Variants in CHODL observed in about 807,000 individuals in gnomAD.
CHODL encodes the protein chondrolectin.
In CHODL, 29 loss-of-function variants were observed where a neutral mutation model predicts 34.5. The observed-to-expected ratio is 0.84, with a 90% confidence interval of 0.63 to 1.15. The LOEUF (loss-of-function observed/expected upper bound fraction) is 1.15, where lower values mean the gene tolerates loss of function less well. Ranked by LOEUF, CHODL falls within the 50% of genes most tolerant of loss-of-function variation. The pLI, the probability that CHODL is intolerant of heterozygous loss-of-function variation, is 0.00. For missense variants in CHODL, 332 were observed against 332.5 expected (o/e 1.00, Z 0.01); for synonymous variants, 125 against 116.1 (o/e 1.08, Z -0.49).
At chr21:18,082,533 G>A (rs1389518879) in intron 2 of CHODL, among the ~76,000 whole-genome samples, 1 of 152,184 alleles carries the variant, frequency 6.6e-6, no homozygotes, top group African/African-American at 2.4e-5. Flanking sequence ...AAGTTTGGAA[G>A]TTCCTAAAGA....
intron 1 of CHODL, among the ~76,000 whole-genome samples, chr21:17,978,854 G>T (rs1396751591): frequency 1.3e-5 from 2 of 151,596 alleles, no homozygotes; most frequent in East Asian, 3.9e-4. Flanking sequence ...GTTCTTTGTG[G>T]TTGAAATGCT....
chr21:18,247,174 A>G (rs1030726091), intron 1 of CHODL, among the ~76,000 whole-genome samples: 4 of 152,134 alleles, frequency 2.6e-5, no homozygotes, highest in African/African-American at 4.8e-5. Flanking sequence ...TTTTGTAGCA[A>G]TAGTTTCTAA....
intron 2 of CHODL, among the ~76,000 whole-genome samples, chr21:18,149,484 GGTCT>G (rs1429095516): frequency 6.6e-6 from 1 of 152,052 alleles, no homozygotes; most frequent in African/African-American, 2.4e-5. Flanking sequence ...GAACCTCATG[GGTCT>G]GTCTATGTGA....
chr21:18,242,009 A>C (rs1391537414), upstream of CHODL, among the ~76,000 whole-genome samples: 1 of 149,426 alleles, frequency 6.7e-6, no homozygotes, highest in Non-Finnish European at 1.5e-5. Context: ...TTTTTTTTTT[A>C]ATGGACAAAG....
At chr21:18,240,041 T>C (rs2074066833), upstream of CHODL, among the ~76,000 whole-genome samples, 1 of 152,068 alleles carries the variant, frequency 6.6e-6, no homozygotes, top group Admixed American at 6.6e-5. Flanking sequence ...TCTAGAAATA[T>C]CTAGCATAGC....
chr21:18,103,741 T>C (rs1236917990), intron 2 of CHODL, among the ~76,000 whole-genome samples: 2 of 152,164 alleles, frequency 1.3e-5, no homozygotes, highest in Non-Finnish European at 2.9e-5. Flanking sequence ...TATCTCCTCT[T>C]CCATAGAAGC....
At chr21:18,133,683 T>C (rs2072685408) in intron 2 of CHODL, among the ~76,000 whole-genome samples, 1 of 152,128 alleles carries the variant, frequency 6.6e-6, no homozygotes, top group African/African-American at 2.4e-5. Flanking sequence ...CTTTAGAAGG[T>C]TGCCATTTCT....
chr21:18,082,977 G>C (rs182097247), intron 2 of CHODL, among the ~76,000 whole-genome samples: 1 of 151,668 alleles, frequency 6.6e-6, no homozygotes, highest in African/African-American at 2.4e-5. Flanking sequence ...AAAAATTTGC[G>C]TTAGTAAAAA....
At chr21:17,924,735 C>T (rs183648837) in intron 1 of CHODL, among the ~76,000 whole-genome samples, 1 of 152,288 alleles carries the variant, frequency 6.6e-6, no homozygotes, top group East Asian at 1.9e-4. Flanking sequence ...ATAATACATG[C>T]TTGATATTGC....
At chr21:18,204,799 C>A (rs1423149634) in intron 2 of CHODL, among the ~76,000 whole-genome samples, 2 of 152,036 alleles carry the variant, frequency 1.3e-5, no homozygotes, top group African/African-American at 4.8e-5. Context: ...AATGTAATAA[C>A]ATAGATATTC....
chr21:18,211,733 G>T (rs917116053), intron 2 of CHODL, among the ~76,000 whole-genome samples: 1 of 152,162 alleles, frequency 6.6e-6, no homozygotes, highest in Non-Finnish European at 1.5e-5. Context: ...TATCAAGTGT[G>T]CAATAGTCAC....
At chr21:17,997,709 C>T (rs1463339077) in intron 1 of CHODL, among the ~76,000 whole-genome samples, 1 of 152,070 alleles carries the variant, frequency 6.6e-6, no homozygotes, top group African/African-American at 2.4e-5. Flanking sequence ...AACGGAAACC[C>T]CTGATATGCC....
chr21:18,086,438 C>A (rs527710872), intron 2 of CHODL, among the ~76,000 whole-genome samples: 1 of 151,728 alleles, frequency 6.6e-6, no homozygotes, highest in East Asian at 1.9e-4. Flanking sequence ...TTCATGTTTT[C>A]TGTATTCTTC....
At chr21:18,036,951 C>G (rs2064318577) in intron 2 of CHODL, among the ~76,000 whole-genome samples, 1 of 151,832 alleles carries the variant, frequency 6.6e-6, no homozygotes, top group Non-Finnish European at 1.5e-5. Flanking sequence ...GATTTTGTAC[C>G]TATTTTAATA....
chr21:17,932,565 A>G (rs1159040048), intron 1 of CHODL, among the ~76,000 whole-genome samples: 1 of 151,284 alleles, frequency 6.6e-6, no homozygotes, highest in African/African-American at 2.4e-5. Flanking sequence ...CTAAGTGTCC[A>G]TCAATGAATG....
At chr21:18,220,178 T>C (rs979962229) in intron 2 of CHODL, among the ~76,000 whole-genome samples, 1 of 152,204 alleles carries the variant, frequency 6.6e-6, no homozygotes, top group African/African-American at 2.4e-5. Flanking sequence ...TTGCATGGAA[T>C]ATCTTTTTTT....
intron 2 of CHODL, among the ~76,000 whole-genome samples, chr21:18,186,544 A>G (rs2824694): frequency 0.44 from 67,496 of 152,040 alleles, 20,066 homozygotes; most frequent in African/African-American, 0.81. Context: ...GGCTGCTTGC[A>G]TAGGATATGG....
intron 2 of CHODL, among the ~76,000 whole-genome samples, chr21:18,111,589 A>T (rs773409153): frequency 1.3e-5 from 2 of 152,178 alleles, no homozygotes; most frequent in Non-Finnish European, 2.9e-5. Context: ...TAAGCCATAT[A>T]GTCTGGCTCA....
chr21:18,009,732 C>CA (rs981931615), intron 1 of CHODL, among the ~76,000 whole-genome samples: 24 of 150,810 alleles, frequency 1.6e-4, no homozygotes, highest in African/African-American at 5.1e-4. Flanking sequence ...AATAAAAATA[C>CA]AAAAAATTAG....
Sources: allele counts gnomAD v4.1 joint callset (sites outside exome capture counted in the v4.1 genomes callset), GRCh38; gene constraint gnomAD v4.1.1; transcripts MANE v1.5; gene names NCBI Gene and HGNC (gene_info 2026-07-23, HGNC 2026-07-21).